APP: variants seen among roughly 807,000 people sequenced by gnomAD.
APP encodes the protein amyloid beta precursor protein, also known as amyloid-beta precursor protein.
Under a neutral mutation model 101.4 loss-of-function variants are expected in APP, and 31 were observed. The observed-to-expected ratio is 0.31, with a 90% CI of 0.23 to 0.41. APP has a LOEUF of 0.41. Among genes scored for constraint, APP ranks in the 10% least tolerant of loss-of-function variants. APP has a pLI of 1.00. For synonymous variants in APP, 366 were observed against 364.4 expected, an observed-to-expected ratio of 1.00 and a Z score of -0.05; for missense variants, 839 against 1,003.7, an observed-to-expected ratio of 0.84 and a Z score of 2.22.
chr21:25,953,659 T>C (rs551246419), intron 13 of APP, among the ~76,000 whole-genome samples: 5 of 152,228 alleles, frequency 3.3e-5, no homozygotes, highest in Admixed American at 6.5e-5. Context: ...TATTGAAAGA[T>C]GCACCAACAT....
chr21:25,975,310 C>T (rs1039326112), intron 10 of APP, 82 bp from the exon 11 acceptor site: 2 of 1,571,748 alleles, frequency 1.3e-6, no homozygotes, highest in East Asian at 4.5e-5. Context: ...AAAAGACATC[C>T]TATTCCATTT....
At chr21:26,147,938 C>T (rs1256804683) in intron 1 of APP, among the ~76,000 whole-genome samples, 2 of 152,130 alleles carry the variant, frequency 1.3e-5, no homozygotes, top group Non-Finnish European at 2.9e-5. Context: ...ATTTAAGAGC[C>T]ACCTGAAACC....
intron 1 of APP, among the ~76,000 whole-genome samples, chr21:26,144,675 T>G (rs1225764093): frequency 6.6e-6 from 1 of 152,162 alleles, no homozygotes; most frequent in East Asian, 1.9e-4. Flanking sequence ...ATGCAGAAAA[T>G]ATAACAGATC....
rs45521734 is a variant in APP, at chr21:26,097,676, G to A, written c.226-7604C>T. Among the ~76,000 whole-genome samples the A allele has an allele frequency of 1.2e-3, 180 of 152,294 alleles. 1 individual carries two copies. In the East Asian group the frequency reaches 0.028, roughly 24 times the overall value. ...AGTGACAAGTTAAGCTCTCACTTGG[G>A]CTAATGGGGCCCATTCAGTTAGTAC... On this transcript the variant is annotated intron_variant, in intron 2 of 17. Coordinates refer to ENST00000346798, the MANE Select transcript of APP (RefSeq NM_000484.4).
In APP at chr21:25,905,063, C is replaced by A; in HGVS notation, c.1924G>T (p.Ala642Ser). 6.2e-7 allele frequency: 1 copy of A among 1,613,842 alleles called. No homozygotes were observed. ...NTENEVEPVD[A>S]RPAADRGLTT... ...AGTCCTCGGTCGGCAGCAGGGCGGG[C>A]ATCAACAGGCTCAACTGGGCACAGG... The change falls in exon 15 of 18, where the codon GCC (alanine) becomes TCC (serine). Residue 642 changes from alanine to serine, a missense_variant. Physicochemically the swap from Ala to Ser is moderately conservative, Grantham distance 99. Transcript: ENST00000346798.
At chr21:25,968,048 A>G (rs1265916496) in intron 11 of APP, among the ~76,000 whole-genome samples, 3 of 152,344 alleles carry the variant, frequency 2.0e-5, no homozygotes, top group East Asian at 1.9e-4. Context: ...TCAACAGAGT[A>G]AGAGTTTTTT....
intron 14 of APP, among the ~76,000 whole-genome samples, chr21:25,909,307 T>A (rs1318495796): frequency 2.6e-5 from 4 of 152,036 alleles, no homozygotes; most frequent in African/African-American, 9.6e-5. Context: ...AGTGGCTTTT[T>A]AAATTGTTTG....
In APP at chr21:25,880,815, T is replaced by G. The variant is rs1465060324; in HGVS notation, c.*855A>C. ...AAAGTCTTGCCCGGGGTTATTTTAT[T>G]TAATTTATTTATGTAATACAGTGTA... On this transcript the variant is annotated 3_prime_UTR_variant, in exon 18 of 18. Transcript: ENST00000346798. 1 of 152,482 alleles carries G rather than the reference T, an allele frequency of 6.6e-6. No individual in the cohort carries two copies. The highest frequency in any genetic ancestry group is 1.5e-5 in the Non-Finnish European group (1 of 68,038). 9.4% of individuals were successfully genotyped at this position (152,482 alleles called of 1,614,324 possible).
chr21:26,011,910 T>A lies in APP; in HGVS notation c.865+9930A>T, dbSNP rs528698142. ...ATACCCAATAAGAACATATATAAAT[T>A]TAAGAAAGAGGCAACCCTACTCTCA... On this transcript the variant is annotated intron_variant, in intron 6 of 17. Transcript: ENST00000346798. Among the ~76,000 whole-genome samples the A allele has an allele frequency of 1.5e-4, 23 of 152,268 alleles. 1 individual carries two copies. Among genetic ancestry groups the A allele is most frequent in the Middle Eastern group, 3.4e-3 (1 of 294 alleles).
At chr21:26,093,972 G>C (rs2061884837) in intron 2 of APP, among the ~76,000 whole-genome samples, 1 of 151,944 alleles carries the variant, frequency 6.6e-6, no homozygotes, top group Admixed American at 6.6e-5. Flanking sequence ...AAATTAGCTG[G>C]GCGTCATGGC....
chr21:26,048,423 A>G (rs1301692262), intron 5 of APP, among the ~76,000 whole-genome samples: 1 of 152,188 alleles, frequency 6.6e-6, no homozygotes, highest in Non-Finnish European at 1.5e-5. Flanking sequence ...ATAGAAAAAA[A>G]AAGGCAAAAA....
At chr21:26,026,049 T>C (rs1306058192) in intron 5 of APP, among the ~76,000 whole-genome samples, 1 of 152,256 alleles carries the variant, frequency 6.6e-6, no homozygotes, top group African/African-American at 2.4e-5. Context: ...GGACAGACTG[T>C]TGTCCTGTGG....
At chr21:26,045,702 T>C (rs1033918961) in intron 5 of APP, among the ~76,000 whole-genome samples, 1 of 152,200 alleles carries the variant, frequency 6.6e-6, no homozygotes, top group Non-Finnish European at 1.5e-5. Context: ...CGTCTTGCCA[T>C]ATGTGACACT....
intron 2 of APP, among the ~76,000 whole-genome samples, chr21:26,092,643 T>C (rs991466044): frequency 2.6e-5 from 4 of 152,316 alleles, no homozygotes; most frequent in East Asian, 3.9e-4. Context: ...AAAAAATGTA[T>C]ACCGCCAAGA....
At position 26,068,363 on chromosome 21, in the gene APP, CT is replaced by C. The variant is rs56143516; in HGVS notation, c.356-15016del. On this transcript the variant is annotated intron_variant, in intron 3 of 17. Coordinates refer to ENST00000346798, the MANE Select transcript of APP (RefSeq NM_000484.4). ...TTCTCTGACTACTCTGCCACATTCT[CT>C]TTTTTTTTTTTTTTTTAAAGAGACG... is the stretch of plus-strand genomic sequence containing the variant. 4.1e-3 allele frequency: 586 copies of C among 144,042 alleles called. 1 individual carries two copies. Among genetic ancestry groups the C allele is most frequent in the African/African-American group, 5.1e-3 (198 of 39,126 alleles). The allele number at this position is 144,042 out of a possible 1,614,324, so 8.9% of individuals were successfully genotyped here. A position where few individuals can be genotyped will look rare whatever the true frequency, so the allele number is the denominator to read the frequency against.
At chr21:26,065,433 A>G (rs2046420150) in intron 3 of APP, among the ~76,000 whole-genome samples, 1 of 152,190 alleles carries the variant, frequency 6.6e-6, no homozygotes, top group South Asian at 2.1e-4. Context: ...TTTTTTTTAG[A>G]AAAAAATATA....
At chr21:25,948,452 C>A (rs551976355) in intron 13 of APP, among the ~76,000 whole-genome samples, 104 of 152,118 alleles carry the variant, frequency 6.8e-4, no homozygotes, top group Non-Finnish European at 1.4e-3. Flanking sequence ...TTCATTATTG[C>A]GAATTTCTTG....
chr21:26,170,171 G>C (rs1340674219), intron 1 of APP, among the ~76,000 whole-genome samples: 1 of 152,208 alleles, frequency 6.6e-6, no homozygotes, highest in African/African-American at 2.4e-5. Context: ...CTGGCTTTAG[G>C]GACGCTGCGT....
At chr21:26,004,346 T>A (rs1171312088) in intron 6 of APP, among the ~76,000 whole-genome samples, 1 of 138,734 alleles carries the variant, frequency 7.2e-6, no homozygotes, top group Non-Finnish European at 1.5e-5. Flanking sequence ...GCAGTGGCAC[T>A]ATCTCCACTC....
Sources: allele counts gnomAD v4.1 joint callset (sites outside exome capture counted in the v4.1 genomes callset), GRCh38; gene constraint gnomAD v4.1.1; transcripts MANE v1.5; gene names NCBI Gene and HGNC (gene_info 2026-07-23, HGNC 2026-07-21).